The following DGKG variants were observed in gnomAD, a reference collection of about 807,000 sequenced individuals.
DGKG encodes diacylglycerol kinase gamma, also known as DAG kinase gamma.
Under a neutral mutation model 105.3 loss-of-function variants are expected in DGKG, and 78 were observed. The observed-to-expected ratio is 0.74, with a 90% CI of 0.62 to 0.89. The LOEUF is 0.89. Among genes scored for constraint, DGKG ranks in the 40% least tolerant of loss-of-function variants. The probability of loss-of-function intolerance (pLI) is 0.00; values close to 1 mark genes in which losing one functional copy is unlikely to be tolerated. For missense variants in DGKG, 958 were observed against 1,020.1 expected, an observed-to-expected ratio of 0.94 and a Z score of 0.83; for synonymous variants, 346 against 367.1, an observed-to-expected ratio of 0.94 and a Z score of 0.66.
intron 22 of DGKG, among the ~76,000 whole-genome samples, chr3:186,178,872 A>T (rs1472033915): frequency 6.6e-6 from 1 of 152,264 alleles, no homozygotes; most frequent in African/African-American, 2.4e-5. Flanking sequence ...ACTTGGGTCC[A>T]GTACCAGATG....
At chr3:186,186,210 TCA>T (rs1377607091) in intron 22 of DGKG, among the ~76,000 whole-genome samples, 1 of 151,850 alleles carries the variant, frequency 6.6e-6, no homozygotes, top group Non-Finnish European at 1.5e-5. Context: ...AATCTGATTG[TCA>T]AATAGACGGG....
At chr3:186,163,426 G>A (rs1716394430) in intron 23 of DGKG, among the ~76,000 whole-genome samples, 1 of 152,182 alleles carries the variant, frequency 6.6e-6, no homozygotes, top group Admixed American at 6.5e-5. Flanking sequence ...TGGTCTGGGT[G>A]AGCAGGGAAC....
chr3:186,353,217 G>T (rs1054704333), intron 1 of DGKG, among the ~76,000 whole-genome samples: 11 of 152,036 alleles, frequency 7.2e-5, no homozygotes, highest in African/African-American at 2.2e-4. Context: ...ACCCTTTCCT[G>T]ACTCTCATCT....
intron 3 of DGKG, among the ~76,000 whole-genome samples, chr3:186,302,561 CATATGT>C (rs1560143888): frequency 2.1e-5 from 1 of 47,120 alleles, no homozygotes; most frequent in African/African-American, 9.0e-5. Flanking sequence ...TATATATACA[CATATGT>C]ATATATATAT....
At position 186,210,294 on chromosome 3, in the gene DGKG, GA is replaced by G. The variant is rs1175964160; in HGVS notation, c.1917+1500del. Among the ~76,000 whole-genome samples the G allele has an allele frequency of 6.6e-6, 1 of 152,176 alleles. No homozygotes were observed. The highest frequency in any genetic ancestry group is 1.5e-5 in the Non-Finnish European group (1 of 68,026). ...CCTCACCAGACGGCTGTGCCAAGGG[GA>G]AAAAATGCACACATATCCCTGTTAG... On this transcript the variant is annotated intron_variant, in intron 21 of 24. Transcript: ENST00000265022. The surrounding 1 kb of genome is among the most constrained non-coding windows in gnomAD (Gnocchi z 5.2).
At chr3:186,236,762 T>C (rs1376971251) in intron 20 of DGKG, among the ~76,000 whole-genome samples, 1 of 152,248 alleles carries the variant, frequency 6.6e-6, no homozygotes, top group Non-Finnish European at 1.5e-5. Context: ...CAGCTTCTAG[T>C]AGGAATGAAG....
chr3:186,331,321 C>G (rs115085476), intron 1 of DGKG, among the ~76,000 whole-genome samples: 2,970 of 152,220 alleles, frequency 0.02, 97 homozygotes, highest in African/African-American at 0.068. Context: ...TTAGAAGCAG[C>G]CTGATTTCAC....
At chr3:186,296,112 C>CAAAAAAA (rs36070727) in intron 5 of DGKG, among the ~76,000 whole-genome samples, 37 of 143,430 alleles carry the variant, frequency 2.6e-4, no homozygotes, top group African/African-American at 9.5e-4. Flanking sequence ...TTATCTCAGA[C>CAAAAAAA]AAAAAAAAAA....
At chr3:186,201,749 G>A (rs1213022140) in intron 21 of DGKG, among the ~76,000 whole-genome samples, 1 of 152,138 alleles carries the variant, frequency 6.6e-6, no homozygotes, top group Non-Finnish European at 1.5e-5. Context: ...CACCAATTGT[G>A]GAATTCCCTA....
chr3:186,207,070 G>C (rs562231224), intron 21 of DGKG, among the ~76,000 whole-genome samples: 1 of 152,210 alleles, frequency 6.6e-6, no homozygotes, highest in African/African-American at 2.4e-5. Flanking sequence ...TTCTTAATTA[G>C]GGCCCACAAT....
chr3:186,298,067 C>A lies in DGKG; in HGVS notation c.307G>T (p.Ala103Ser). 2 of 1,607,116 alleles carry A rather than the reference C, an allele frequency of 1.2e-6. No individual in the cohort carries two copies. The highest frequency in any genetic ancestry group is 1.7e-6 in the Non-Finnish European group (2 of 1,176,958). Residue 103 changes from alanine (A) to serine (S), a missense_variant, in exon 4 of 25, where the codon GCA becomes TCA. Physicochemically the swap from Ala to Ser is moderately conservative, Grantham distance 99. This residue lies in a region of DGKG where 643 missense variants were observed against 619.5 expected (regional missense o/e 1.04). Transcript: ENST00000265022. Reference protein sequence around the residue: ...EGASNSEANSADTNIQNADNA... With the variant: ...EGASNSEANSSDTNIQNADNA... ...TCTTGGGGAAAGCTCTGTGTACCTG[C>A]GCTGTTGGCCTCACTGTTGCTGGCT...
intron 16 of DGKG, among the ~76,000 whole-genome samples, chr3:186,258,983 A>T (rs932781961): frequency 6.6e-6 from 1 of 152,178 alleles, no homozygotes; most frequent in African/African-American, 2.4e-5. Flanking sequence ...TGGGAAGCCT[A>T]AGGTCAATAT....
chr3:186,193,793 T>C (rs1718030780), intron 21 of DGKG, among the ~76,000 whole-genome samples: 1 of 152,166 alleles, frequency 6.6e-6, no homozygotes, highest in African/African-American at 2.4e-5. Flanking sequence ...CTCCCCCTGC[T>C]CCGGCCCGCG....
rs187413894 is a variant in DGKG at position 186,233,464 on chromosome 3, A to T, written c.1826+9040T>A. Among the ~76,000 whole-genome samples the T allele has an allele frequency of 9.8e-4, 148 of 150,364 alleles. 2 individuals are homozygous for T. The highest frequency in any genetic ancestry group is 3.5e-3 in the African/African-American group (145 of 41,492). On this transcript the variant is annotated intron_variant, in intron 20 of 24. Coordinates refer to ENST00000265022, the MANE Select transcript of DGKG (RefSeq NM_001346.3). ...CCAACCTCCAGAACTGTAACACAGC[A>T]GTGCCGTTTTTGTCGTTGTTGTTGT...
chr3:186,296,378 T>A (rs1343922282), intron 5 of DGKG, among the ~76,000 whole-genome samples: 1 of 152,236 alleles, frequency 6.6e-6, no homozygotes, highest in Non-Finnish European at 1.5e-5. Flanking sequence ...TTAAGCAACA[T>A]GCTCTGTTGC....
chr3:186,209,088 C>CTTTTTTTTTTTT (rs1560096022), intron 21 of DGKG, among the ~76,000 whole-genome samples: 2 of 124,902 alleles, frequency 1.6e-5, no homozygotes, highest in African/African-American at 6.7e-5. Context: ...CTTCAGTTTA[C>CTTTTTTTTTTTT]TCTTCTTTTT....
rs548247254 is a variant in DGKG, at chr3:186,210,885, A to G, written c.1917+910T>C. ...TGGTAGCAAGAACTCTGGGCAAGAG[A>G]ACCAATGGGCGTAAAGTCCCACGGA... On this transcript the variant is annotated intron_variant, in intron 21 of 24. Transcript: ENST00000265022. The surrounding 1 kb of genome is among the most constrained non-coding windows in gnomAD (Gnocchi z 5.2). Among the ~76,000 whole-genome samples the G allele has an allele frequency of 2.0e-5, 3 of 152,350 alleles. No homozygotes were observed. The highest frequency in any genetic ancestry group is 2.1e-4 in the South Asian group (1 of 4,828).
rs1184339577 is a variant in DGKG at position 186,352,945 on chromosome 3, C to T, written c.-249+9001G>A. On this transcript the variant is annotated intron_variant, in intron 1 of 24. Transcript: ENST00000265022. The stretch of plus-strand genomic sequence containing the variant: ...AAAATGCACACTTTAATGTGACAAA[C>T]GAGACCCTCCATGGCCCAGCTCCTG... Among the ~76,000 whole-genome samples the T allele has an allele frequency of 5.3e-5, 8 of 152,236 alleles. No individual in the cohort carries two copies. The South Asian group carries it at 1.0e-3, about 20-fold the overall frequency.
intron 1 of DGKG, among the ~76,000 whole-genome samples, chr3:186,343,112 G>A (rs1450474523): frequency 6.6e-6 from 1 of 152,104 alleles, no homozygotes; most frequent in African/African-American, 2.4e-5. Flanking sequence ...TGGGAACTGG[G>A]CCAGTTCATT....
Sources: allele counts gnomAD v4.1 joint callset (sites outside exome capture counted in the v4.1 genomes callset), GRCh38; gene constraint gnomAD v4.1.1; regional missense constraint gnomAD v4.1.1; non-coding constraint Gnocchi (gnomAD v3.1); transcripts MANE v1.5; gene names NCBI Gene and HGNC (gene_info 2026-07-23, HGNC 2026-07-21).